Variants in FOXP1 observed in about 807,000 individuals in gnomAD.
FOXP1 encodes the protein forkhead box P1.
Under a neutral mutation model 98.2 loss-of-function variants are expected in FOXP1, and 15 were observed. That is an observed-to-expected ratio of 0.15 (90% confidence interval 0.10 to 0.24). The LOEUF is 0.24. Ranked by LOEUF, FOXP1 falls within the 10% of genes least tolerant of loss-of-function variation. FOXP1 has a pLI of 1.00. For synonymous variants in FOXP1, 371 were observed against 314.5 expected (o/e 1.18, Z -1.90); for missense variants, 633 against 848.5 (o/e 0.75, Z 3.15).
At chr3:71,130,643 T>C (rs2059516069) in intron 6 of FOXP1, 2 of 1,597,912 alleles carry the variant, frequency 1.3e-6, no homozygotes, top group Non-Finnish European at 1.7e-6. Context: ...GGAAGTACTG[T>C]GCGGCTGAAG....
At chr3:71,527,719 G>GA (rs963527658) in intron 2 of FOXP1, among the ~76,000 whole-genome samples, 6 of 152,176 alleles carry the variant, frequency 3.9e-5, no homozygotes, top group African/African-American at 1.2e-4. Context: ...CAATAGGGGG[G>GA]AAAAAACAAA....
At chr3:71,475,139 C>T (rs1483987772) in intron 3 of FOXP1, among the ~76,000 whole-genome samples, 2 of 152,070 alleles carry the variant, frequency 1.3e-5, no homozygotes, top group Non-Finnish European at 2.9e-5. Flanking sequence ...ATCTCACCTT[C>T]CCCCCTGCTT....
At chr3:70,959,809 T>C (rs550830909) in intron 20 of FOXP1, among the ~76,000 whole-genome samples, 3 of 152,280 alleles carry the variant, frequency 2.0e-5, no homozygotes, top group Non-Finnish European at 2.9e-5. Flanking sequence ...AAATGCAGTG[T>C]GTGATTCAGG....
At chr3:71,582,421 G>A in intron 1 of FOXP1, 6 of 985,048 alleles carry the variant, frequency 6.1e-6, no homozygotes, top group Non-Finnish European at 6.0e-6. Flanking sequence ...CGCCGCCTCG[G>A]CTCGCTGGCT....
At chr3:71,495,254 C>T (rs146492898) in intron 2 of FOXP1, among the ~76,000 whole-genome samples, 53 of 152,306 alleles carry the variant, frequency 3.5e-4, no homozygotes, top group African/African-American at 1.3e-3. Context: ...GGACAAAGGC[C>T]ACTTCAAAAA....
At chr3:71,267,124 A>AGAGAGTGTGTGTGTGT (rs142661368) in intron 5 of FOXP1, among the ~76,000 whole-genome samples, 32 of 148,410 alleles carry the variant, frequency 2.2e-4, no homozygotes, top group Middle Eastern at 3.5e-3. Context: ...TATGGGAGAG[A>AGAGAGTGTGTGTGTGT]GTGTGTGTGT....
At chr3:71,326,029 C>T (rs1231896735) in intron 4 of FOXP1, among the ~76,000 whole-genome samples, 1 of 152,002 alleles carries the variant, frequency 6.6e-6, no homozygotes, top group East Asian at 1.9e-4. Context: ...CAGAAAAATA[C>T]TTTATTTGGC....
At chr3:71,242,516 C>T (rs1030843884) in intron 5 of FOXP1, among the ~76,000 whole-genome samples, 1 of 152,162 alleles carries the variant, frequency 6.6e-6, no homozygotes, top group African/African-American at 2.4e-5. Flanking sequence ...ACACAAATTT[C>T]GTATATGTGA....
intron 4 of FOXP1, among the ~76,000 whole-genome samples, chr3:71,300,453 G>A (rs1045036145): frequency 6.6e-6 from 1 of 152,030 alleles, no homozygotes; most frequent in Non-Finnish European, 1.5e-5. Context: ...TGTATCTACC[G>A]GAGCTACTAA....
intron 11 of FOXP1, among the ~76,000 whole-genome samples, chr3:71,038,628 T>C (rs2106817458): frequency 6.6e-6 from 1 of 152,232 alleles, no homozygotes; most frequent in South Asian, 2.1e-4. Context: ...TTGAAGTATT[T>C]ATATGTATAC....
At chr3:71,531,819 C>T (rs146505060) in intron 2 of FOXP1, among the ~76,000 whole-genome samples, 4 of 152,254 alleles carry the variant, frequency 2.6e-5, no homozygotes, top group Admixed American at 2.0e-4. Flanking sequence ...TCAACTACAG[C>T]GTTCTAGACC....
Position 71,466,247 on chromosome 3 carries a change from C to A in FOXP1, c.-168+27179G>T, listed in dbSNP as rs571630648. Among the ~76,000 whole-genome samples, 3 of 152,272 alleles carry A rather than the reference C, an allele frequency of 2.0e-5. No individual in the cohort carries two copies. In the East Asian group the frequency reaches 5.8e-4, roughly 29 times the overall value. On this transcript the variant is annotated intron_variant, in intron 3 of 20. Transcript: ENST00000649528. The stretch of plus-strand genomic sequence containing the variant: ...CGACAGTACCCAACCTCTCTGCTTT[C>A]CTGGCCTGCCCTTATTTTTGTCTTG...
intron 6 of FOXP1, among the ~76,000 whole-genome samples, chr3:71,128,852 A>G (rs2059392622): frequency 6.6e-6 from 1 of 152,100 alleles, no homozygotes; most frequent in African/African-American, 2.4e-5. Context: ...AATTCTCAGA[A>G]GGCAAAAAGC....
intron 3 of FOXP1, among the ~76,000 whole-genome samples, chr3:71,424,172 G>T (rs1348429894): frequency 6.6e-6 from 1 of 152,066 alleles, no homozygotes; most frequent in Non-Finnish European, 1.5e-5. Context: ...GCTGAAGGAT[G>T]GTCCTTTAAC....
At chr3:71,582,973 C>A (rs2107911138) in intron 1 of FOXP1, among the ~76,000 whole-genome samples, 1 of 152,114 alleles carries the variant, frequency 6.6e-6, no homozygotes, top group African/African-American at 2.4e-5. Context: ...CACACACCCG[C>A]GGGGAAAGAA....
chr3:71,160,271 G>A (rs939894736), intron 6 of FOXP1, among the ~76,000 whole-genome samples: 3 of 152,096 alleles, frequency 2.0e-5, no homozygotes, highest in Non-Finnish European at 4.4e-5. Context: ...TGTTTGGGCT[G>A]TGGTCAAAGG....
At chr3:71,114,612 AC>A (rs1241465143) in intron 6 of FOXP1, among the ~76,000 whole-genome samples, 2 of 151,968 alleles carry the variant, frequency 1.3e-5, no homozygotes, top group Non-Finnish European at 2.9e-5. Flanking sequence ...TACTGCATCC[AC>A]CCCCGTGTCC....
intron 4 of FOXP1, among the ~76,000 whole-genome samples, chr3:71,307,984 G>C (rs1346637504): frequency 6.6e-6 from 1 of 152,226 alleles, no homozygotes; most frequent in Non-Finnish European, 1.5e-5. Flanking sequence ...TAAGCTCCTT[G>C]CTGAAAGAGC....
rs539078387 is a variant in FOXP1 at position 71,158,314 on chromosome 3, C to T, written c.180+39888G>A. 3.5e-4 allele frequency among the ~76,000 whole-genome samples: 54 copies of T among 152,146 alleles called. 3 individuals are homozygous for T. The highest frequency in any genetic ancestry group is 1.2e-3 in the African/African-American group (51 of 41,496). ...TAAATAAAAGTGGTAACTGCAGAGC[C>T]TGAGCTTGTTAGAAGACACAAGTAG... On this transcript the variant is annotated intron_variant, in intron 6 of 20. Transcript: ENST00000649528.
Sources: gnomAD v4.1 joint callset for allele counts (sites outside exome capture counted in the v4.1 genomes callset) on GRCh38, gnomAD v4.1.1 for gene constraint, MANE v1.5 for transcripts, NCBI Gene and HGNC (gene_info 2026-07-23, HGNC 2026-07-21) for gene names.